PALLD: variants seen among roughly 807,000 people sequenced by gnomAD.
The protein encoded by PALLD is palladin, cytoskeletal associated protein, also known as palladin.
PALLD carries 61 observed loss-of-function variants against 123.5 expected under a neutral mutation model. The ratio of observed to expected loss-of-function variants is 0.49; its 90% confidence interval spans 0.40 to 0.61. PALLD has a LOEUF of 0.61. PALLD is among the 20% of genes least tolerant of loss of function. The probability of loss-of-function intolerance (pLI) is 0.00; values close to 1 mark genes in which losing one functional copy is unlikely to be tolerated. For synonymous variants in PALLD, 465 were observed against 496.4 expected, an observed-to-expected ratio of 0.94 and a Z score of 0.84; for missense variants, 1,273 against 1,377.0, an observed-to-expected ratio of 0.92 and a Z score of 1.20.
intron 1 of PALLD, among the ~76,000 whole-genome samples, chr4:168,503,792 T>C (rs1579996219): frequency 6.6e-6 from 1 of 152,184 alleles, no homozygotes. Flanking sequence ...TGCATGTGTG[T>C]TGGTGATGAC....
In PALLD at chr4:168,683,528, A is replaced by G. The variant is rs191213950; in HGVS notation, c.1260+425A>G. On this transcript the variant is annotated intron_variant, in intron 5 of 21. Transcript: ENST00000505667. ...AAAGCTAAACAAATAAGAAAAAACA[A>G]CTCAAATTCCTTGACTTCACCATGC... is the stretch of plus-strand genomic sequence containing the variant. Among the ~76,000 whole-genome samples, 3 of 152,320 alleles carry G rather than the reference A, an allele frequency of 2.0e-5. No individual in the cohort carries two copies. The East Asian group carries it at 5.8e-4, about 29-fold the overall frequency.
At chr4:168,519,561 T>C (rs1245529543) in intron 2 of PALLD, among the ~76,000 whole-genome samples, 4 of 152,166 alleles carry the variant, frequency 2.6e-5, no homozygotes, top group African/African-American at 9.7e-5. Flanking sequence ...TAGAATATTA[T>C]ATGTATTCAG....
intron 2 of PALLD, among the ~76,000 whole-genome samples, chr4:168,536,874 C>A (rs538586150): frequency 6.6e-6 from 1 of 150,946 alleles, no homozygotes; most frequent in South Asian, 2.1e-4. Context: ...GTCTCCCAGG[C>A]TGGAGTGCAG....
At chr4:168,826,588 G>A (rs1581660163) in intron 10 of PALLD, among the ~76,000 whole-genome samples, 1 of 152,132 alleles carries the variant, frequency 6.6e-6, no homozygotes, top group African/African-American at 2.4e-5. Context: ...CATAATGCCA[G>A]CCCAAAGTAA....
chr4:168,612,584 G>A (rs1393953145), intron 2 of PALLD, among the ~76,000 whole-genome samples: 13 of 152,110 alleles, frequency 8.5e-5, no homozygotes, highest in Non-Finnish European at 1.2e-4. Flanking sequence ...TCTTTAGGTC[G>A]AAAATCTGGG....
chr4:168,859,412 T>A (rs887561626), intron 10 of PALLD, among the ~76,000 whole-genome samples: 3 of 152,186 alleles, frequency 2.0e-5, no homozygotes, highest in Non-Finnish European at 4.4e-5. Flanking sequence ...CTCTCATCTG[T>A]CAATGGGTAG....
intron 3 of PALLD, among the ~76,000 whole-genome samples, chr4:168,679,471 T>G (rs1262848674): frequency 1.6e-4 from 9 of 56,208 alleles, no homozygotes; most frequent in African/African-American, 2.4e-4. Context: ...TGGACGTGTG[T>G]GGGGGGGTGT....
intron 10 of PALLD, among the ~76,000 whole-genome samples, chr4:168,815,745 A>G (rs1473254130): frequency 6.6e-6 from 1 of 152,238 alleles, no homozygotes; most frequent in African/African-American, 2.4e-5. Context: ...GGACGAGGGA[A>G]GGTACAGACC....
intron 10 of PALLD, among the ~76,000 whole-genome samples, chr4:168,734,013 G>A (rs187946983): frequency 3.8e-4 from 58 of 152,312 alleles, no homozygotes; most frequent in Admixed American, 2.3e-3. Context: ...GGGATTACAG[G>A]CGTTGAGCCA....
chr4:168,632,197 T>C (rs1775899977), intron 2 of PALLD, among the ~76,000 whole-genome samples: 1 of 151,748 alleles, frequency 6.6e-6, no homozygotes, highest in South Asian at 2.1e-4. Flanking sequence ...CTTTTTTTTT[T>C]CCATTAAAAA....
chr4:168,814,362 G>A (rs1741607923), intron 10 of PALLD, among the ~76,000 whole-genome samples: 1 of 152,156 alleles, frequency 6.6e-6, no homozygotes, highest in African/African-American at 2.4e-5. Context: ...CTTAATTTAT[G>A]TATCAAATAT....
At chr4:168,687,887 C>T (rs1782234486) in intron 6 of PALLD, among the ~76,000 whole-genome samples, 1 of 152,180 alleles carries the variant, frequency 6.6e-6, no homozygotes, top group Non-Finnish European at 1.5e-5. Flanking sequence ...TAAGAACTCT[C>T]AAACTGTCAA....
At chr4:168,653,487 A>G (rs906079376) in intron 2 of PALLD, among the ~76,000 whole-genome samples, 6 of 152,222 alleles carry the variant, frequency 3.9e-5, no homozygotes, top group African/African-American at 1.4e-4. Context: ...ATGTACACAG[A>G]CTTGAAAGCT....
chr4:168,667,949 G>C (rs1160984338), intron 2 of PALLD, among the ~76,000 whole-genome samples: 1 of 152,086 alleles, frequency 6.6e-6, no homozygotes, highest in Non-Finnish European at 1.5e-5. Context: ...GAGTTTGATA[G>C]CATCACTTGG....
chr4:168,602,051 T>C (rs1037530163), intron 2 of PALLD, among the ~76,000 whole-genome samples: 1 of 152,210 alleles, frequency 6.6e-6, no homozygotes. Context: ...TAGAGCACTC[T>C]TGTGACTCCG....
chr4:168,550,287 A>G (rs1360809163), intron 2 of PALLD, among the ~76,000 whole-genome samples: 1 of 144,098 alleles, frequency 6.9e-6, no homozygotes, highest in Admixed American at 7.0e-5. Flanking sequence ...ATTTTTTTTT[A>G]TCAAAACAGA....
At chr4:168,624,589 C>T (rs780416604) in intron 2 of PALLD, among the ~76,000 whole-genome samples, 6 of 151,810 alleles carry the variant, frequency 4.0e-5, no homozygotes, top group Non-Finnish European at 7.4e-5. Context: ...CATACTAGAC[C>T]TAATAGATAA....
chr4:168,595,909 A>G (rs1771926300), intron 2 of PALLD, among the ~76,000 whole-genome samples: 1 of 151,742 alleles, frequency 6.6e-6, no homozygotes, highest in Non-Finnish European at 1.5e-5. Context: ...CTGCACATGT[A>G]ATGTACCTTG....
intron 2 of PALLD, among the ~76,000 whole-genome samples, chr4:168,660,961 G>T (rs1393530310): frequency 2.0e-5 from 3 of 151,192 alleles, no homozygotes; most frequent in Non-Finnish European, 4.4e-5. Context: ...CTGGAGTGCA[G>T]TGGCACGATC....
Sources: gnomAD v4.1 joint callset for allele counts (sites outside exome capture counted in the v4.1 genomes callset) on GRCh38, gnomAD v4.1.1 for gene constraint, MANE v1.5 for transcripts, NCBI Gene and HGNC (gene_info 2026-07-23, HGNC 2026-07-21) for gene names.